Variants in MICAL3 observed in about 807,000 individuals in gnomAD.
MICAL3 encodes the protein microtubule associated monooxygenase, calponin and LIM domain containing 3.
In MICAL3, 62 loss-of-function variants were observed where a neutral mutation model predicts 207.4. That is an observed-to-expected ratio of 0.30 (90% CI 0.24 to 0.37). MICAL3 has a LOEUF of 0.37. MICAL3 is among the 10% of genes least tolerant of loss of function. The probability of loss-of-function intolerance (pLI) is 1.00; values close to 1 mark genes in which losing one functional copy is unlikely to be tolerated. For missense variants in MICAL3, 2,368 were observed against 2,635.6 expected, an observed-to-expected ratio of 0.90 and a Z score of 2.22; for synonymous variants, 1,077 against 1,069.3, an observed-to-expected ratio of 1.01 and a Z score of -0.14.
intron 1 of MICAL3, among the ~76,000 whole-genome samples, chr22:18,002,883 G>A (rs1923131723): frequency 1.3e-5 from 2 of 152,238 alleles, no homozygotes; most frequent in South Asian, 4.1e-4. Flanking sequence ...TAGGCTGGGC[G>A]CGGTGGCTCA....
At chr22:17,860,104 C>G (rs925948710) in intron 19 of MICAL3, 9 of 880,138 alleles carry the variant, frequency 1.0e-5, no homozygotes, top group African/African-American at 3.6e-5. Flanking sequence ...GAGCCTCCCC[C>G]TTTCCCACCC....
chr22:17,914,941 C>G (rs60570960), intron 1 of MICAL3, among the ~76,000 whole-genome samples: 5,504 of 152,240 alleles, frequency 0.036, 339 homozygotes, highest in African/African-American at 0.13. Context: ...TGGGGAAGGA[C>G]AGAAGGTGGA....
intron 1 of MICAL3, among the ~76,000 whole-genome samples, chr22:17,940,025 T>C (rs901787136): frequency 3.3e-5 from 5 of 152,182 alleles, no homozygotes; most frequent in Admixed American, 1.3e-4. Context: ...GTACCACTCC[T>C]AGGCCAGCCA....
chr22:17,934,272 C>T (rs1018857042), intron 1 of MICAL3, among the ~76,000 whole-genome samples: 2 of 152,218 alleles, frequency 1.3e-5, no homozygotes, highest in African/African-American at 4.8e-5. Flanking sequence ...ATCAAGTCAG[C>T]TTCATTCCTA....
intron 1 of MICAL3, among the ~76,000 whole-genome samples, chr22:17,958,578 C>T (rs574545278): frequency 3.3e-5 from 5 of 152,340 alleles, no homozygotes; most frequent in East Asian, 1.9e-4. Flanking sequence ...CTGAATCATC[C>T]GCCCATGGAG....
intron 19 of MICAL3, chr22:17,863,967 C>A (rs566778464): frequency 2.0e-6 from 2 of 985,486 alleles, no homozygotes; most frequent in East Asian, 1.1e-4. Context: ...GACAGAAACA[C>A]AGCCCTGCTG....
intron 17 of MICAL3, among the ~76,000 whole-genome samples, chr22:17,868,210 T>C (rs1927343975): frequency 6.6e-6 from 1 of 152,024 alleles, no homozygotes; most frequent in Non-Finnish European, 1.5e-5. Context: ...AAGAACACAG[T>C]ACCCACCTCA....
intron 1 of MICAL3, among the ~76,000 whole-genome samples, chr22:17,981,742 A>G (rs1935917869): frequency 6.6e-6 from 1 of 152,238 alleles, no homozygotes; most frequent in South Asian, 2.1e-4. Context: ...TAAGGTCAAC[A>G]GGAAGTGATG....
chr22:17,893,614 A>C (rs1363315308), intron 11 of MICAL3, among the ~76,000 whole-genome samples, 194 bp downstream of exon 11: 2 of 152,080 alleles, frequency 1.3e-5, no homozygotes, highest in Admixed American at 6.5e-5. Flanking sequence ...GCCCACCCCC[A>C]ATCATGACCA....
chr22:18,002,896 C>T (rs1355165242), intron 1 of MICAL3, among the ~76,000 whole-genome samples: 1 of 152,130 alleles, frequency 6.6e-6, no homozygotes, highest in East Asian at 1.9e-4. Flanking sequence ...GTGGCTCACG[C>T]CTATAATCCC....
intron 1 of MICAL3, among the ~76,000 whole-genome samples, chr22:17,946,417 C>T (rs1051479770): frequency 1.3e-5 from 2 of 152,252 alleles, no homozygotes; most frequent in African/African-American, 4.8e-5. Flanking sequence ...ACTGCACACA[C>T]ACGGCCCCGG....
chr22:17,886,821 A>T (rs1398964112), intron 15 of MICAL3, among the ~76,000 whole-genome samples: 1 of 149,876 alleles, frequency 6.7e-6, no homozygotes, highest in South Asian at 2.1e-4. Flanking sequence ...AAAAAAAAAA[A>T]AATTACAAAA....
In MICAL3 at chr22:17,900,860, C is replaced by G; in HGVS notation, c.829G>C (p.Glu277Gln). Reference protein sequence around the residue: ...AFIFNQKFFQELREATGIDLE... With the variant: ...AFIFNQKFFQQLREATGIDLE... ...CACCAACCTGTGGCTTCCCTCAGTT[C>G]CTGGAAAAATTTTTGGTTGAATATA... Residue 277 changes from glutamate (E) to glutamine (Q), a missense_variant, in exon 6 of 32, where the codon GAA becomes CAA. By Grantham distance (29) the Glu-to-Gln change is conservative. Transcript: ENST00000441493. The surrounding 1 kb of genome is among the most constrained non-coding windows in gnomAD (Gnocchi z 4.0). The G allele has an allele frequency of 6.2e-7, 1 of 1,613,976 alleles. No individual in the cohort carries two copies. Among genetic ancestry groups the G allele is most frequent in the Non-Finnish European group, 8.5e-7 (1 of 1,179,880 alleles).
intron 16 of MICAL3, 89 bp downstream of exon 16, chr22:17,885,789 G>T: frequency 7.2e-7 from 1 of 1,389,112 alleles, no homozygotes; most frequent in Non-Finnish European, 1.0e-6. Flanking sequence ...TGGGGTCTGT[G>T]ACACAGCCCA....
intron 20 of MICAL3, among the ~76,000 whole-genome samples, chr22:17,838,062 C>A (rs1305210142): frequency 6.6e-6 from 1 of 152,176 alleles, no homozygotes; most frequent in African/African-American, 2.4e-5. Context: ...GCCTTGGCCT[C>A]CCACAGTGCT....
At chr22:17,990,527 A>G (rs1379694642) in intron 1 of MICAL3, among the ~76,000 whole-genome samples, 21 of 152,180 alleles carry the variant, frequency 1.4e-4, no homozygotes, top group Non-Finnish European at 2.8e-4. Context: ...TACGCCCTTC[A>G]TTGCACAGAT....
At chr22:17,860,715 G>A (rs553720335) in intron 19 of MICAL3, 50 of 985,412 alleles carry the variant, frequency 5.1e-5, no homozygotes, top group South Asian at 2.3e-4. Context: ...AGCCCCCTGC[G>A]TTCCTAGTCT....
At chr22:17,903,663 A>G (rs1358550741) in intron 3 of MICAL3, among the ~76,000 whole-genome samples, 1 of 152,210 alleles carries the variant, frequency 6.6e-6, no homozygotes, top group Non-Finnish European at 1.5e-5. Flanking sequence ...CTGCGCTAGC[A>G]CAGTATTTTC....
chr22:17,975,276 G>C lies in MICAL3; in HGVS notation c.-75+49005C>G, dbSNP rs75049838. On this transcript the variant is annotated intron_variant, in intron 1 of 31. Transcript: ENST00000441493. The stretch of plus-strand genomic sequence containing the variant: ...GTGGCTCTACTCAGAATGGGAACAG[G>C]ACCACGCTTCAGTTCAAAATTACAC... 8.9e-3 allele frequency among the ~76,000 whole-genome samples: 1,357 copies of C among 152,130 alleles called. 8 individuals are homozygous for C. Among genetic ancestry groups the C allele is most frequent in the Non-Finnish European group, 0.014 (926 of 68,006 alleles).
Sources: allele counts gnomAD v4.1 joint callset (sites outside exome capture counted in the v4.1 genomes callset), GRCh38; gene constraint gnomAD v4.1.1; non-coding constraint Gnocchi (gnomAD v3.1); transcripts MANE v1.5; gene names NCBI Gene and HGNC (gene_info 2026-07-23, HGNC 2026-07-21).